Variants in NSMCE2 observed in about 807,000 individuals in gnomAD.
NSMCE2 encodes E3 SUMO-protein ligase NSE2.
A neutral mutation model predicts 23.8 loss-of-function variants in NSMCE2; 24 were observed. The ratio of observed to expected loss-of-function variants is 1.01; its 90% confidence interval spans 0.73 to 1.42. The LOEUF (loss-of-function observed/expected upper bound fraction) is 1.42. Ranked by LOEUF, NSMCE2 falls within the 40% of genes most tolerant of loss-of-function variation. NSMCE2 has a pLI of 0.00. For synonymous variants in NSMCE2, 92 were observed against 94.1 expected (o/e 0.98, Z 0.13); for missense variants, 284 against 296.5 (o/e 0.96, Z 0.31).
chr8:125,169,387 T>G (rs572721085), intron 4 of NSMCE2, among the ~76,000 whole-genome samples: 2 of 152,350 alleles, frequency 1.3e-5, no homozygotes, highest in Non-Finnish European at 2.9e-5. Context: ...AATGATAGAT[T>G]TGACATTCTC....
intron 5 of NSMCE2, among the ~76,000 whole-genome samples, chr8:125,221,173 G>A (rs928498524): frequency 1.3e-5 from 2 of 152,180 alleles, no homozygotes; most frequent in African/African-American, 2.4e-5. Context: ...ATGTCAGGTT[G>A]TAAACTAAAG....
chr8:125,175,985 C>G (rs952686555), intron 4 of NSMCE2, among the ~76,000 whole-genome samples: 3 of 150,836 alleles, frequency 2.0e-5, no homozygotes, highest in Non-Finnish European at 4.4e-5. Flanking sequence ...GGAGCCCTAA[C>G]TTAGTTCCTA....
chr8:125,351,808 C>T (rs1464035088), intron 5 of NSMCE2, among the ~76,000 whole-genome samples: 2 of 151,764 alleles, frequency 1.3e-5, no homozygotes, highest in South Asian at 2.1e-4. Context: ...GTCAGGAGTT[C>T]GATACCAGCC....
At chr8:125,136,137 A>C (rs1820057119) in intron 3 of NSMCE2, among the ~76,000 whole-genome samples, 1 of 152,138 alleles carries the variant, frequency 6.6e-6, no homozygotes, top group South Asian at 2.1e-4. Flanking sequence ...GTTGTTTGAG[A>C]CAGCAGACAA....
rs1489699757 is a variant in NSMCE2 at position 125,136,448 on chromosome 8, GATGACTT to G, written c.158-14722_158-14716del. Among the ~76,000 whole-genome samples, 12 of 152,176 alleles carry G rather than the reference GATGACTT, an allele frequency of 7.9e-5. No homozygotes were observed. In the East Asian group the frequency reaches 2.3e-3, roughly 29 times the overall value. On this transcript the variant is annotated intron_variant, in intron 3 of 7. Transcript: ENST00000287437. ...TGGACAGTAAGAGTGAGGAGTCTAA[GATGACTT>G]TATGTTTTAGGTCTTGCATATAGTT...
At chr8:125,096,164 T>G (rs1411100380) in intron 1 of NSMCE2, among the ~76,000 whole-genome samples, 1 of 152,204 alleles carries the variant, frequency 6.6e-6, no homozygotes, top group Non-Finnish European at 1.5e-5. Flanking sequence ...CATCAAGCTA[T>G]CAAATGGGAA....
chr8:125,203,683 A>G (rs984303679), intron 5 of NSMCE2, among the ~76,000 whole-genome samples: 2 of 152,166 alleles, frequency 1.3e-5, no homozygotes, highest in African/African-American at 2.4e-5. Context: ...GTCACTAGGA[A>G]TGTAAGTAAG....
At chr8:125,311,699 G>A (rs575680071) in intron 5 of NSMCE2, among the ~76,000 whole-genome samples, 2 of 152,342 alleles carry the variant, frequency 1.3e-5, no homozygotes, top group African/African-American at 4.8e-5. Flanking sequence ...TCTGAAGAAT[G>A]TAATGTGTTG....
chr8:125,187,707 A>G (rs1283845596), intron 5 of NSMCE2, among the ~76,000 whole-genome samples: 1 of 152,152 alleles, frequency 6.6e-6, no homozygotes, highest in African/African-American at 2.4e-5. Context: ...CAAAGCCCTT[A>G]TGTTTTGAAA....
chr8:125,095,882 CA>C (rs1174381155), intron 1 of NSMCE2, among the ~76,000 whole-genome samples: 16,155 of 65,710 alleles, frequency 0.25, 708 homozygotes, highest in African/African-American at 0.32. Context: ...AACTCCATCT[CA>C]AAAAAAAAAA....
At chr8:125,161,277 T>C (rs1821611045) in intron 4 of NSMCE2, among the ~76,000 whole-genome samples, 1 of 152,130 alleles carries the variant, frequency 6.6e-6, no homozygotes, top group Non-Finnish European at 1.5e-5. Context: ...TTTAAGAATT[T>C]TATTTTTTTC....
intron 5 of NSMCE2, among the ~76,000 whole-genome samples, chr8:125,275,026 AAT>A (rs1255561388): frequency 6.9e-5 from 10 of 145,658 alleles, no homozygotes; most frequent in Non-Finnish European, 1.3e-4. Context: ...TAATAATAAT[AAT>A]AATAATAAAT....
chr8:125,222,785 G>A (rs1384359464), intron 5 of NSMCE2, among the ~76,000 whole-genome samples: 6 of 152,038 alleles, frequency 3.9e-5, no homozygotes, highest in Admixed American at 3.3e-4. Context: ...TCTTAGAGGC[G>A]GGGTGCAGTG....
chr8:125,171,621 C>T (rs1222764955), intron 4 of NSMCE2, among the ~76,000 whole-genome samples: 2 of 152,202 alleles, frequency 1.3e-5, no homozygotes, highest in Non-Finnish European at 2.9e-5. Flanking sequence ...AATACTGCTG[C>T]TAATTCTGAT....
chr8:125,366,522 A>T (rs965133009), intron 7 of NSMCE2, among the ~76,000 whole-genome samples: 5 of 152,096 alleles, frequency 3.3e-5, no homozygotes, highest in Non-Finnish European at 2.9e-5. Flanking sequence ...ACTCCGTCTC[A>T]GAAAAAAAAA....
chr8:125,354,237 G>C (rs2131359904), intron 5 of NSMCE2, among the ~76,000 whole-genome samples: 1 of 152,220 alleles, frequency 6.6e-6, no homozygotes, highest in East Asian at 1.9e-4. Flanking sequence ...CAACCTTGCT[G>C]TCAAAATTTT....
chr8:125,291,372 T>A (rs2131163578), intron 5 of NSMCE2, among the ~76,000 whole-genome samples: 1 of 152,372 alleles, frequency 6.6e-6, no homozygotes, highest in African/African-American at 2.4e-5. Context: ...ATTTAATTAA[T>A]GTTTGCTGAT....
intron 5 of NSMCE2, among the ~76,000 whole-genome samples, chr8:125,356,319 T>C (rs1207445111): frequency 7.0e-6 from 1 of 142,256 alleles, no homozygotes; most frequent in African/African-American, 2.5e-5. Context: ...TTACTTTTAA[T>C]TTTTTGGTTT....
chr8:125,273,041 C>T (rs538850194), intron 5 of NSMCE2, among the ~76,000 whole-genome samples: 49 of 152,164 alleles, frequency 3.2e-4, no homozygotes, highest in Admixed American at 9.2e-4. Flanking sequence ...GTATGTCAGC[C>T]GCCTATCATA....
Sources: allele counts gnomAD v4.1 joint callset (sites outside exome capture counted in the v4.1 genomes callset), GRCh38; gene constraint gnomAD v4.1.1; transcripts MANE v1.5; gene names NCBI Gene and HGNC (gene_info 2026-07-23, HGNC 2026-07-21).